Variants in FBXW7 observed in about 807,000 individuals in gnomAD.
FBXW7 encodes the protein F-box/WD repeat-containing protein 7.
In FBXW7, 11 loss-of-function variants were observed where a neutral mutation model predicts 86.3. The observed-to-expected ratio is 0.13, with a 90% CI of 0.08 to 0.21. The LOEUF (loss-of-function observed/expected upper bound fraction) is 0.21, where lower values mean the gene tolerates loss of function less well. Ranked by LOEUF, FBXW7 falls within the 10% of genes least tolerant of loss-of-function variation. The pLI is 1.00. For missense variants in FBXW7, 488 were observed against 847.4 expected (o/e 0.58, Z 5.27); for synonymous variants, 313 against 297.9 (o/e 1.05, Z -0.52).
Position 152,322,860 on chromosome 4 carries a change from CA to C in FBXW7, c.*20del. On this transcript the variant is annotated 3_prime_UTR_variant, in exon 14 of 14. Transcript: ENST00000281708. Reference sequence around the variant, plus strand: ...GGAGTATATCGTCTACACAATTGGACAAATTCATCTTTTCTGCTCTTCACTT... The same window carrying C: ...GGAGTATATCGTCTACACAATTGGACAATTCATCTTTTCTGCTCTTCACTT... The C allele has an allele frequency of 6.2e-7, 1 of 1,612,136 alleles. No homozygotes were observed. Among genetic ancestry groups the C allele is most frequent in the East Asian group, 2.2e-5 (1 of 44,832 alleles).
intron 2 of FBXW7, among the ~76,000 whole-genome samples, chr4:152,413,493 T>C (rs1218592292): frequency 1.3e-5 from 2 of 152,194 alleles, no homozygotes; most frequent in East Asian, 1.9e-4. Context: ...AGGCTCAAAA[T>C]GATTTAGTAA....
At chr4:152,441,514 C>A (rs1173476284) in intron 2 of FBXW7, among the ~76,000 whole-genome samples, 3 of 152,246 alleles carry the variant, frequency 2.0e-5, no homozygotes, top group Middle Eastern at 3.4e-3. Context: ...TTGCCCCAAT[C>A]CAACTATTCA....
At chr4:152,400,498 T>C (rs997072966) in intron 4 of FBXW7, among the ~76,000 whole-genome samples, 2 of 151,686 alleles carry the variant, frequency 1.3e-5, no homozygotes, top group East Asian at 1.9e-4. Context: ...CGCACCACCA[T>C]GCCTGGCTAA....
chr4:152,343,146 TATC>T (rs1357608545), intron 6 of FBXW7, among the ~76,000 whole-genome samples: 1 of 152,186 alleles, frequency 6.6e-6, no homozygotes, highest in Non-Finnish European at 1.5e-5. Flanking sequence ...ATTTTATACT[TATC>T]ATTTAAAAAT....
chr4:152,457,321 G>A (rs916171556), intron 2 of FBXW7, among the ~76,000 whole-genome samples: 1 of 152,058 alleles, frequency 6.6e-6, no homozygotes, highest in Non-Finnish European at 1.5e-5. Context: ...GCACATATAC[G>A]TCAAAACTCA....
chr4:152,409,451 G>A (rs964991460), intron 4 of FBXW7, among the ~76,000 whole-genome samples: 22 of 152,090 alleles, frequency 1.4e-4, no homozygotes, highest in African/African-American at 5.1e-4. Flanking sequence ...GGAGAATACT[G>A]ACATTTTCTT....
At chr4:152,424,504 A>T (rs1189483485) in intron 2 of FBXW7, among the ~76,000 whole-genome samples, 1 of 152,160 alleles carries the variant, frequency 6.6e-6, no homozygotes. Flanking sequence ...ATTTAAAACC[A>T]TCATATTCTT....
chr4:152,490,430 T>C (rs1181246477), intron 2 of FBXW7, among the ~76,000 whole-genome samples: 1 of 152,092 alleles, frequency 6.6e-6, no homozygotes, highest in Non-Finnish European at 1.5e-5. Context: ...AGATCTAACA[T>C]TTAATAAGTA....
intron 2 of FBXW7, among the ~76,000 whole-genome samples, chr4:152,501,728 CTTT>C (rs1489749804): frequency 6.6e-6 from 1 of 151,908 alleles, no homozygotes; most frequent in Non-Finnish European, 1.5e-5. Context: ...GATGAACATT[CTTT>C]TTTTTATTTG....
chr4:152,448,205 C>G (rs1276571612), intron 2 of FBXW7, among the ~76,000 whole-genome samples: 2 of 152,194 alleles, frequency 1.3e-5, no homozygotes, highest in African/African-American at 4.8e-5. Context: ...CAGCTCAGAG[C>G]AAGCAAGCAA....
intron 4 of FBXW7, among the ~76,000 whole-genome samples, chr4:152,351,857 A>C (rs1731849468): frequency 6.6e-6 from 1 of 152,170 alleles, no homozygotes; most frequent in African/African-American, 2.4e-5. Context: ...TTCAATGAAT[A>C]AACATGCCCC....
At chr4:152,437,809 A>G (rs1220920189) in intron 2 of FBXW7, among the ~76,000 whole-genome samples, 1 of 152,216 alleles carries the variant, frequency 6.6e-6, no homozygotes, top group Non-Finnish European at 1.5e-5. Context: ...ATCAACACTG[A>G]GGCAAGACTA....
chr4:152,331,354 A>C (rs973652714), intron 8 of FBXW7, among the ~76,000 whole-genome samples: 5 of 152,224 alleles, frequency 3.3e-5, no homozygotes, highest in African/African-American at 1.2e-4. Flanking sequence ...AAGATGGATA[A>C]ACAAAATGTA....
intron 4 of FBXW7, among the ~76,000 whole-genome samples, chr4:152,390,286 TTAAGA>T (rs1163342543): frequency 6.6e-6 from 1 of 152,050 alleles, no homozygotes; most frequent in African/African-American, 2.4e-5. Context: ...TAAAAAGTAC[TTAAGA>T]TAAAACAAAA....
chr4:152,328,097 A>T, intron 11 of FBXW7, 111 bp downstream of exon 11: 2 of 855,948 alleles, frequency 2.3e-6, no homozygotes, highest in Non-Finnish European at 3.6e-6. Context: ...TGTAATAATT[A>T]AATCTAATTT....
intron 4 of FBXW7, among the ~76,000 whole-genome samples, chr4:152,406,352 A>G (rs1478548996): frequency 6.6e-6 from 1 of 152,146 alleles, no homozygotes; most frequent in Non-Finnish European, 1.5e-5. Flanking sequence ...TCCCAGCTAC[A>G]CAGGAGGATC....
At chr4:152,438,189 T>G (rs758209908) in intron 2 of FBXW7, among the ~76,000 whole-genome samples, 1 of 152,088 alleles carries the variant, frequency 6.6e-6, no homozygotes, top group Non-Finnish European at 1.5e-5. Flanking sequence ...AAATAAATAG[T>G]AAAGTATTTT....
intron 2 of FBXW7, among the ~76,000 whole-genome samples, chr4:152,419,423 CT>C (rs1274293637): frequency 2.7e-5 from 4 of 150,234 alleles, no homozygotes; most frequent in African/African-American, 4.9e-5. Flanking sequence ...GAAAATTACT[CT>C]TGTGTATACC....
intron 4 of FBXW7, among the ~76,000 whole-genome samples, chr4:152,364,700 A>G (rs1733301353): frequency 6.6e-6 from 1 of 152,156 alleles, no homozygotes; most frequent in South Asian, 2.1e-4. Context: ...TCATTACATA[A>G]GGCCTTTTTT....
Sources: allele counts gnomAD v4.1 joint callset (sites outside exome capture counted in the v4.1 genomes callset), GRCh38; gene constraint gnomAD v4.1.1; transcripts MANE v1.5; gene names NCBI Gene and HGNC (gene_info 2026-07-23, HGNC 2026-07-21).